TDRD7: variants seen among roughly 807,000 people sequenced by gnomAD.
TDRD7 encodes tudor domain containing 7.
TDRD7 carries 47 observed loss-of-function variants against 109.8 expected under a neutral mutation model. The ratio of observed to expected loss-of-function variants is 0.43; its 90% CI spans 0.34 to 0.55. TDRD7 has a LOEUF of 0.55. Ranked by LOEUF, TDRD7 falls within the 20% of genes least tolerant of loss-of-function variation. TDRD7 has a pLI of 0.03. For synonymous variants in TDRD7, 424 were observed against 457.3 expected, an observed-to-expected ratio of 0.93 and a Z score of 0.93; for missense variants, 1,164 against 1,319.2, an observed-to-expected ratio of 0.88 and a Z score of 1.82.
At chr9:97,460,858 A>G in intron 7 of TDRD7, 94 bp downstream of exon 7, 1 of 1,218,516 alleles carries the variant, frequency 8.2e-7, no homozygotes, top group African/African-American at 1.5e-5. Context: ...GAAGAATAAT[A>G]TGGCCGGGTG....
chr9:97,433,087 A>G (rs1039172959), intron 4 of TDRD7, among the ~76,000 whole-genome samples: 36 of 152,178 alleles, frequency 2.4e-4, no homozygotes, highest in Non-Finnish European at 4.4e-5. Flanking sequence ...CTTCTGTCCT[A>G]CTTGTGCCTT....
chr9:97,466,379 A>G lies in TDRD7; in HGVS notation c.1629+1351A>G, dbSNP rs545507461. Among the ~76,000 whole-genome samples, 3 of 152,342 alleles carry G rather than the reference A, an allele frequency of 2.0e-5. No individual in the cohort carries two copies. In the South Asian group the frequency reaches 6.2e-4, roughly 32 times the overall value. On this transcript the variant is annotated intron_variant, in intron 8 of 16. Coordinates refer to ENST00000355295, the MANE Select transcript of TDRD7 (RefSeq NM_014290.3). ...CCCCAGCTGAATCTACAGAGGCACA[A>G]ATTTTAAGTAATTTGACTGACTTTA...
intron 6 of TDRD7, 92 bp downstream of exon 6, chr9:97,441,967 A>G: frequency 2.9e-6 from 3 of 1,047,346 alleles, no homozygotes; most frequent in Non-Finnish European, 4.5e-6. Flanking sequence ...TTATCCCCAG[A>G]AGACAAAGCA....
At chr9:97,419,002 T>C (rs1827856129) in intron 1 of TDRD7, among the ~76,000 whole-genome samples, 1 of 152,160 alleles carries the variant, frequency 6.6e-6, no homozygotes, top group Non-Finnish European at 1.5e-5. Flanking sequence ...CAGGGGAATA[T>C]AAAGTAGTCT....
intron 1 of TDRD7, among the ~76,000 whole-genome samples, chr9:97,425,588 A>G (rs751250707): frequency 1.1e-4 from 17 of 152,226 alleles, no homozygotes; most frequent in Non-Finnish European, 1.8e-4. Flanking sequence ...ATGTATCCCC[A>G]TTGTTAAGTG....
At position 97,458,194 on chromosome 9, in the gene TDRD7, A is replaced by G. The variant is rs571690163; in HGVS notation, c.856-1984A>G. 1.1e-4 allele frequency among the ~76,000 whole-genome samples: 17 copies of G among 152,324 alleles called. 1 individual carries two copies. Among genetic ancestry groups the G allele is most frequent in the African/African-American group, 3.6e-4 (15 of 41,572 alleles). ...ATCTAGGTTTGTATAAGTACACACT[A>G]TGATATTTGCACAACAGATGACACG... On this transcript the variant is annotated intron_variant, in intron 6 of 16. Transcript: ENST00000355295.
chr9:97,423,124 T>A (rs927628836), intron 1 of TDRD7, among the ~76,000 whole-genome samples: 3 of 152,236 alleles, frequency 2.0e-5, no homozygotes, highest in Non-Finnish European at 2.9e-5. Flanking sequence ...AAATGTTTGG[T>A]AGAATTTGCC....
chr9:97,416,646 C>T (rs961343600), intron 1 of TDRD7, among the ~76,000 whole-genome samples: 1 of 152,132 alleles, frequency 6.6e-6, no homozygotes, highest in East Asian at 1.9e-4. Flanking sequence ...TTTGGTGTTG[C>T]GATTGGCTGT....
chr9:97,469,660 A>G (rs1828879002), intron 8 of TDRD7, among the ~76,000 whole-genome samples: 1 of 152,138 alleles, frequency 6.6e-6, no homozygotes, highest in African/African-American at 2.4e-5. Context: ...ATCTCCTTTA[A>G]TTAGAGATGC....
intron 9 of TDRD7, 42 bp downstream of exon 9, chr9:97,470,711 C>G: frequency 1.4e-6 from 2 of 1,416,118 alleles, no homozygotes; most frequent in Non-Finnish European, 2.0e-6. Flanking sequence ...TTTCAATAGG[C>G]TATTACCACT....
At chr9:97,418,190 A>T (rs1466872959) in intron 1 of TDRD7, among the ~76,000 whole-genome samples, 3 of 152,216 alleles carry the variant, frequency 2.0e-5, no homozygotes, top group Non-Finnish European at 4.4e-5. Context: ...CTCAGGTCAG[A>T]TTGAGAAATA....
Position 97,432,108 on chromosome 9 carries a change from G to A in TDRD7, c.433G>A (p.Asp145Asn), listed in dbSNP as rs749029715. Residue 145 changes from aspartate (D) to asparagine (N), a missense_variant, in exon 4 of 17, where the codon GAC (aspartate) becomes AAC (asparagine). By Grantham distance (23) the Asp-to-Asn change is conservative. Around this residue, in one of 5 missense-constraint regions of TDRD7, gnomAD observed 407 missense variants for 394.0 expected, o/e 1.03. Transcript: ENST00000355295. ...GKKPNPAPLR[D>N]KGNSVGVKPD... ...AAAACCTAATCCAGCACCGTTAAGA[G>A]ACAAAGGAAACTCTGTTGGAGTTAA... is the stretch of plus-strand genomic sequence containing the variant. 2.4e-5 allele frequency: 38 copies of A among 1,613,854 alleles called. No homozygotes were observed. Among genetic ancestry groups the A allele is most frequent in the Non-Finnish European group, 3.1e-5 (36 of 1,179,798 alleles).
chr9:97,420,140 A>C (rs1488309766), intron 1 of TDRD7, among the ~76,000 whole-genome samples: 1 of 152,200 alleles, frequency 6.6e-6, no homozygotes, highest in African/African-American at 2.4e-5. Flanking sequence ...TCAACATTTG[A>C]ATTGATAAAC....
At chr9:97,470,376 T>C (rs1828889730) in intron 8 of TDRD7, among the ~76,000 whole-genome samples, 182 bp from the exon 9 acceptor site, 1 of 152,174 alleles carries the variant, frequency 6.6e-6, no homozygotes. Context: ...CCTGGTTTCC[T>C]TGGTCTCAGC....
chr9:97,435,490 C>T (rs1828178446), intron 4 of TDRD7, among the ~76,000 whole-genome samples: 1 of 150,852 alleles, frequency 6.6e-6, no homozygotes, highest in African/African-American at 2.4e-5. Flanking sequence ...AAAAAAATTA[C>T]CTGGACATGG....
intron 6 of TDRD7, among the ~76,000 whole-genome samples, chr9:97,458,371 G>A (rs1288018430): frequency 2.6e-5 from 4 of 152,112 alleles, no homozygotes; most frequent in Non-Finnish European, 5.9e-5. Flanking sequence ...TACCTAATCT[G>A]TATTCTTGTA....
chr9:97,456,664 A>T (rs1828617157), intron 6 of TDRD7, among the ~76,000 whole-genome samples: 1 of 152,222 alleles, frequency 6.6e-6, no homozygotes, highest in Non-Finnish European at 1.5e-5. Flanking sequence ...CCTTATACAA[A>T]AAATAACTCA....
chr9:97,495,003 G>C (rs970833477), intron 16 of TDRD7, among the ~76,000 whole-genome samples: 1 of 152,148 alleles, frequency 6.6e-6, no homozygotes, highest in Non-Finnish European at 1.5e-5. Context: ...GAGCCACTGT[G>C]CCCGGCCAAT....
At chr9:97,486,027 A>C (rs1350780152) in intron 15 of TDRD7, among the ~76,000 whole-genome samples, 1 of 152,144 alleles carries the variant, frequency 6.6e-6, no homozygotes, top group Non-Finnish European at 1.5e-5. Context: ...ATCCTATAGC[A>C]GCTGCATGGG....
Sources: allele counts gnomAD v4.1 joint callset (sites outside exome capture counted in the v4.1 genomes callset), GRCh38; gene constraint gnomAD v4.1.1; regional missense constraint gnomAD v4.1.1; transcripts MANE v1.5; gene names NCBI Gene and HGNC (gene_info 2026-07-23, HGNC 2026-07-21).